Variants in SRPX2 observed in about 807,000 individuals in gnomAD.
SRPX2 encodes the protein sushi repeat-containing protein SRPX2.
In SRPX2, 26 loss-of-function variants were observed where a neutral mutation model predicts 45.3. The ratio of observed to expected loss-of-function variants is 0.57; its 90% CI spans 0.42 to 0.80. The LOEUF (loss-of-function observed/expected upper bound fraction) is 0.80, where lower values mean the gene tolerates loss of function less well. Among genes scored for constraint, SRPX2 ranks in the 30% least tolerant of loss-of-function variants. SRPX2 has a pLI of 0.00. For synonymous variants in SRPX2, 125 were observed against 143.7 expected, an observed-to-expected ratio of 0.87 and a Z score of 0.93; for missense variants, 355 against 399.8, an observed-to-expected ratio of 0.89 and a Z score of 0.95.
At chrX:100,652,000 T>C (rs1252773236) in intron 3 of SRPX2, among the ~76,000 whole-genome samples, 3 of 111,701 alleles carry the variant, frequency 2.7e-5, no homozygotes, top group African/African-American at 9.8e-5. Flanking sequence ...TTGCAAGCCA[T>C]GTGGAAGAGT....
Position 100,666,892 on chromosome X carries a change from A to G in SRPX2, c.920A>G (p.Gln307Arg), listed in dbSNP as rs147757229. The G allele has an allele frequency of 3.0e-5, 36 of 1,209,246 alleles. No homozygotes were observed. In the African/African-American group the frequency reaches 5.2e-4, roughly 18 times the overall value. ...CAGGGGACACCCTCCCGGGTCTGTC[A>G]GTCCAGCCGCCAGTGGTCAGGTTCA... The part of the protein sequence containing the change: ...DRQGTPSRVC[Q>R]SSRQWSGSPP... The change falls in exon 8 of 11, where the codon CAG (glutamine) becomes CGG (arginine). Residue 307 changes from glutamine to arginine, a missense_variant. Gln to Arg is a conservative substitution (Grantham distance 43). Coordinates refer to ENST00000373004, the MANE Select transcript of SRPX2 (RefSeq NM_014467.3).
In SRPX2 at chrX:100,671,800, T is replaced by C. The variant is rs1468301522; in HGVS notation, c.*813T>C. ...AGGGCACTGGGCAGCAAATGTTATCTGAACCATTGCTTCACTGTTAGAAAA... is the reference window on the plus strand; with the variant it reads ...AGGGCACTGGGCAGCAAATGTTATCCGAACCATTGCTTCACTGTTAGAAAA... On this transcript the variant is annotated 3_prime_UTR_variant, in exon 11 of 11. Coordinates refer to ENST00000373004, the MANE Select transcript of SRPX2 (RefSeq NM_014467.3). 2 of 112,647 alleles carry C rather than the reference T, an allele frequency of 1.8e-5. No individual in the cohort carries two copies. The highest frequency in any genetic ancestry group is 5.6e-4 in the East Asian group (2 of 3,573). The allele number at this position is 112,647 out of a possible 1,213,427, so 9.3% of individuals were successfully genotyped here.
chrX:100,646,872 CT>C (rs1219664770), intron 2 of SRPX2, among the ~76,000 whole-genome samples: 1 of 112,208 alleles, frequency 8.9e-6, no homozygotes, highest in Non-Finnish European at 1.9e-5. Context: ...CATCAGACTT[CT>C]TCCCACCCTC....
intron 10 of SRPX2, among the ~76,000 whole-genome samples, chrX:100,669,964 G>T (rs1185155834): frequency 9.1e-6 from 1 of 109,749 alleles, no homozygotes; most frequent in African/African-American, 3.3e-5. Context: ...GTAGAGACAG[G>T]TTTCGCCATA....
chrX:100,671,365 A>C lies in SRPX2; in HGVS notation c.*378A>C. 1 of 214,642 alleles carries C rather than the reference A, an allele frequency of 4.7e-6. No homozygotes were observed. The highest frequency in any genetic ancestry group is 8.4e-5 in the South Asian group (1 of 11,914). 17.7% of individuals were successfully genotyped at this position (214,642 alleles called of 1,213,427 possible). A position where few individuals can be genotyped will look rare whatever the true frequency, so the allele number is the denominator to read the frequency against. ...AGAGGGCAGCACGAGCACAACAGAA[A>C]CCAGCTTACACTTTAAGCAAGTGTA... On this transcript the variant is annotated 3_prime_UTR_variant, in exon 11 of 11. Coordinates refer to ENST00000373004, the MANE Select transcript of SRPX2 (RefSeq NM_014467.3).
At chrX:100,652,481 G>A (rs111254024) in intron 3 of SRPX2, among the ~76,000 whole-genome samples, 66 of 111,743 alleles carry the variant, frequency 5.9e-4, no homozygotes, top group Non-Finnish European at 1.1e-3. Flanking sequence ...GAAGGCCAGG[G>A]TCAGAGCTTT....
chrX:100,670,185 G>A (rs1043405890), intron 10 of SRPX2, among the ~76,000 whole-genome samples: 2 of 111,588 alleles, frequency 1.8e-5, no homozygotes, highest in Non-Finnish European at 3.8e-5. Context: ...TATCTATCCA[G>A]TATCACCCTT....
intron 2 of SRPX2, among the ~76,000 whole-genome samples, chrX:100,647,757 G>A (rs1345373295): frequency 8.9e-6 from 1 of 112,662 alleles, no homozygotes; most frequent in East Asian, 2.8e-4. Context: ...GGAGGCGTGA[G>A]CACAGAGCAG....
chrX:100,651,450 T>C (rs746736485), intron 3 of SRPX2, among the ~76,000 whole-genome samples: 9 of 110,329 alleles, frequency 8.2e-5, no homozygotes, highest in Non-Finnish European at 1.7e-4. Flanking sequence ...CCAGCCTGAT[T>C]GGAGGAAATG....
intron 2 of SRPX2, chrX:100,650,083 A>G (rs1285085716): frequency 8.8e-6 from 1 of 113,713 alleles, no homozygotes; most frequent in Non-Finnish European, 1.8e-5. Flanking sequence ...AATGTTCTCT[A>G]GCTCAGCAGC....
At position 100,662,084 on chromosome X, in the gene SRPX2, CTATT is replaced by C. The variant is rs2083189982; in HGVS notation, c.164-90_164-87del. On this transcript the variant is annotated intron_variant, in intron 3 of 10. Coordinates refer to ENST00000373004, the MANE Select transcript of SRPX2 (RefSeq NM_014467.3). ...CTGTGTGGGTTTACTTCTGGGCTCT[CTATT>C]TTTTTCCATTGACCTATTTGTCTTT... 22 of 958,760 alleles carry C rather than the reference CTATT, an allele frequency of 2.3e-5. No individual in the cohort carries two copies. The South Asian group carries it at 4.2e-4, about 18-fold the overall frequency. 79.0% of individuals were successfully genotyped at this position (958,760 alleles called of 1,213,427 possible).
intron 3 of SRPX2, among the ~76,000 whole-genome samples, chrX:100,656,670 T>C (rs1401756830): frequency 1.8e-5 from 2 of 112,392 alleles, no homozygotes; most frequent in African/African-American, 6.5e-5. Flanking sequence ...TATGGCCAAA[T>C]ACTATTCTAT....
At position 100,667,324 on chromosome X, in the gene SRPX2, T is replaced by A. The variant is rs147566410; in HGVS notation, c.1012T>A (p.Phe338Ile). The A allele has an allele frequency of 1.1e-4, 131 of 1,209,869 alleles. No homozygotes were observed. The highest frequency in any genetic ancestry group is 1.4e-4 in the Non-Finnish European group (126 of 895,064). The change falls in exon 9 of 11, where the codon TTC (phenylalanine) becomes ATC (isoleucine). Residue 338 changes from phenylalanine (F) to isoleucine (I), a missense_variant. Phe to Ile is a conservative substitution (Grantham distance 21, BLOSUM62 0). Coordinates refer to ENST00000373004, the MANE Select transcript of SRPX2 (RefSeq NM_014467.3). ...VNSAAGLLDQ[F>I]YEKQRLLIIS... Reference sequence around the variant, plus strand: ...CTCAGCTGCTGGTCTCTTGGATCAATTCTATGAGAAACAGCGACTCCTCAT... The same window carrying A: ...CTCAGCTGCTGGTCTCTTGGATCAAATCTATGAGAAACAGCGACTCCTCAT...
chrX:100,650,242 C>T (rs997481353), intron 2 of SRPX2: 1 of 118,340 alleles, frequency 8.5e-6, no homozygotes, highest in South Asian at 3.2e-4. Flanking sequence ...CTTGGCATGC[C>T]ACCCCCAGCA....
Position 100,662,279 on chromosome X carries a change from C to T in SRPX2, c.267C>T (p.Leu89=), listed in dbSNP as rs772373893. Reference sequence around the variant, plus strand: ...GCAGCCTGGGCACGCGTTGTGAGCTCTCCTGTGACCGGGGCTTTCGATTGA... The same window carrying T: ...GCAGCCTGGGCACGCGTTGTGAGCTTTCCTGTGACCGGGGCTTTCGATTGA... The part of the protein sequence containing the change: ...YHSSLGTRCE[L]SCDRGFRLIG... The change falls in exon 4 of 11, where the codon CTC becomes CTT. Residue 89 remains leucine (L), a synonymous_variant. Transcript: ENST00000373004. The T allele has an allele frequency of 8.3e-7, 1 of 1,211,938 alleles. No homozygotes were observed. The highest frequency in any genetic ancestry group is 1.1e-6 in the Non-Finnish European group (1 of 895,615).
Position 100,662,171 on chromosome X carries a change from T to C in SRPX2, c.164-5T>C. The C allele has an allele frequency of 8.3e-7, 1 of 1,210,879 alleles. No homozygotes were observed. The highest frequency in any genetic ancestry group is 1.1e-6 in the Non-Finnish European group (1 of 894,788). ...TTCTAGCTTGCCTTTCTTCTATTGC[T>C]ACAGTCCCCCGATGGTGTTATACAT... On this transcript the variant is annotated splice_polypyrimidine_tract_variant and splice_region_variant and intron_variant, in intron 3 of 10. Transcript: ENST00000373004.
intron 3 of SRPX2, among the ~76,000 whole-genome samples, chrX:100,652,739 A>G (rs1197244346): frequency 9.0e-6 from 1 of 111,427 alleles, no homozygotes; most frequent in African/African-American, 3.3e-5. Flanking sequence ...CCTTTAAGAA[A>G]AATAGTTTCA....
At position 100,660,005 on chromosome X, in the gene SRPX2, G is replaced by A. The variant is rs767455441; in HGVS notation, c.164-2171G>A. 1.8e-4 allele frequency among the ~76,000 whole-genome samples: 20 copies of A among 110,729 alleles called. No individual in the cohort carries two copies. The Admixed American group carries it at 1.9e-3, about 11-fold the overall frequency. Reference sequence around the variant, plus strand: ...ATAGCCTGTGAGGCATCTTTATGATGCCTTTATGATTTAACAGCCTTATAA... The same window carrying A: ...ATAGCCTGTGAGGCATCTTTATGATACCTTTATGATTTAACAGCCTTATAA... On this transcript the variant is annotated intron_variant, in intron 3 of 10. Coordinates refer to ENST00000373004, the MANE Select transcript of SRPX2 (RefSeq NM_014467.3).
At position 100,654,614 on chromosome X, in the gene SRPX2, C is replaced by T. The variant is rs36224189; in HGVS notation, c.163+3749C>T. 7.5e-3 allele frequency among the ~76,000 whole-genome samples: 831 copies of T among 111,193 alleles called. 7 individuals are homozygous for T. Among genetic ancestry groups the T allele is most frequent in the African/African-American group, 0.025 (774 of 30,561 alleles). ...ATTTCATTTGGTTCTCACAACAGCCCTATGGAACGGTTTATTATCCCCCAT... is the reference window on the plus strand; with the variant it reads ...ATTTCATTTGGTTCTCACAACAGCCTTATGGAACGGTTTATTATCCCCCAT... On this transcript the variant is annotated intron_variant, in intron 3 of 10. Coordinates refer to ENST00000373004, the MANE Select transcript of SRPX2 (RefSeq NM_014467.3).
Sources: gnomAD v4.1 joint callset for allele counts (sites outside exome capture counted in the v4.1 genomes callset) on GRCh38, gnomAD v4.1.1 for gene constraint, MANE v1.5 for transcripts, NCBI Gene and HGNC (gene_info 2026-07-23, HGNC 2026-07-21) for gene names.